The following ITGA9 variants were observed in gnomAD, a reference collection of about 807,000 sequenced individuals.
ITGA9 encodes integrin alpha-9.
Under a neutral mutation model 127.8 loss-of-function variants are expected in ITGA9, and 56 were observed. The ratio of observed to expected loss-of-function variants is 0.44; its 90% CI spans 0.35 to 0.55. The LOEUF is 0.55. ITGA9 is among the 20% of genes least tolerant of loss of function. ITGA9 has a pLI of 0.00. For missense variants in ITGA9, 1,196 were observed against 1,347.1 expected (o/e 0.89, Z 1.76); for synonymous variants, 508 against 514.5 (o/e 0.99, Z 0.17).
At chr3:37,813,240 A>G (rs945588994) in intron 27 of ITGA9, among the ~76,000 whole-genome samples, 2 of 152,220 alleles carry the variant, frequency 1.3e-5, no homozygotes, top group Non-Finnish European at 2.9e-5. Context: ...ATCATATTTT[A>G]AGTCAGAAAT....
chr3:37,640,249 G>T (rs756536207), intron 16 of ITGA9, among the ~76,000 whole-genome samples: 1 of 152,200 alleles, frequency 6.6e-6, no homozygotes, highest in Non-Finnish European at 1.5e-5. Context: ...CTAGTCACAC[G>T]AGCCCTTAAT....
chr3:37,604,216 G>C (rs1273027018), intron 15 of ITGA9, among the ~76,000 whole-genome samples: 5 of 152,222 alleles, frequency 3.3e-5, no homozygotes, highest in Non-Finnish European at 2.9e-5. Flanking sequence ...GCTTTAAATG[G>C]AGAAGGAGTG....
intron 15 of ITGA9, among the ~76,000 whole-genome samples, chr3:37,604,315 C>T (rs1474065393): frequency 6.6e-6 from 1 of 152,222 alleles, no homozygotes; most frequent in Non-Finnish European, 1.5e-5. Flanking sequence ...TAGTCAGACA[C>T]ATTTTTCTAG....
intron 1 of ITGA9, among the ~76,000 whole-genome samples, chr3:37,459,446 A>G (rs1698294247): frequency 6.6e-6 from 1 of 152,216 alleles, no homozygotes; most frequent in South Asian, 2.1e-4. Flanking sequence ...AGTGAAAGGG[A>G]TGAGGGAGCT....
At chr3:37,577,820 A>G (rs1255778950) in intron 15 of ITGA9, among the ~76,000 whole-genome samples, 1 of 152,216 alleles carries the variant, frequency 6.6e-6, no homozygotes, top group Non-Finnish European at 1.5e-5. Flanking sequence ...AAACAGAAAC[A>G]CATTTTTATT....
At chr3:37,679,967 G>A (rs1700719445) in intron 17 of ITGA9, among the ~76,000 whole-genome samples, 1 of 152,090 alleles carries the variant, frequency 6.6e-6, no homozygotes, top group Admixed American at 6.5e-5. Context: ...TGGGGCACAT[G>A]GGGGGTGGGG....
intron 18 of ITGA9, among the ~76,000 whole-genome samples, chr3:37,717,726 A>C (rs1701150046): frequency 6.6e-6 from 1 of 152,202 alleles, no homozygotes; most frequent in South Asian, 2.1e-4. Flanking sequence ...TCAACATGAG[A>C]TTTGGGTAGG....
At chr3:37,738,764 T>G (rs146587831) in intron 20 of ITGA9, among the ~76,000 whole-genome samples, 2 of 152,328 alleles carry the variant, frequency 1.3e-5, no homozygotes, top group African/African-American at 4.8e-5. Flanking sequence ...TGGGAAGGAA[T>G]GTGACATGGA....
chr3:37,609,818 C>T (rs1700000554), intron 15 of ITGA9, among the ~76,000 whole-genome samples: 1 of 152,216 alleles, frequency 6.6e-6, no homozygotes, highest in Non-Finnish European at 1.5e-5. Flanking sequence ...GCAGCATGGC[C>T]TAGAAGCCTG....
At chr3:37,512,103 TCC>T (rs1698925970) in intron 8 of ITGA9, among the ~76,000 whole-genome samples, 1 of 120,978 alleles carries the variant, frequency 8.3e-6, no homozygotes, top group Non-Finnish European at 1.7e-5. Flanking sequence ...CTTCCTTCCT[TCC>T]TTCCTTCCTT....
chr3:37,792,674 T>C (rs1697126158), intron 26 of ITGA9, among the ~76,000 whole-genome samples: 1 of 152,134 alleles, frequency 6.6e-6, no homozygotes, highest in African/African-American at 2.4e-5. Context: ...AAAGCTTCTG[T>C]TTGGAGCAGG....
intron 1 of ITGA9, among the ~76,000 whole-genome samples, chr3:37,454,197 G>A (rs961162796): frequency 1.3e-5 from 2 of 152,230 alleles, no homozygotes; most frequent in African/African-American, 4.8e-5. Context: ...GCTGAGGCTG[G>A]CTCAACTGCC....
intron 25 of ITGA9, among the ~76,000 whole-genome samples, chr3:37,781,658 A>G (rs1407975455): frequency 6.6e-6 from 1 of 152,248 alleles, no homozygotes; most frequent in Non-Finnish European, 1.5e-5. Flanking sequence ...ATTACATGTG[A>G]AGATAAAACT....
chr3:37,637,556 A>G (rs1700292278), intron 16 of ITGA9, among the ~76,000 whole-genome samples: 1 of 152,350 alleles, frequency 6.6e-6, no homozygotes, highest in South Asian at 2.1e-4. Context: ...GGTTTTCTAC[A>G]TATACAATCA....
intron 5 of ITGA9, among the ~76,000 whole-genome samples, chr3:37,499,455 G>A (rs959877544): frequency 6.6e-6 from 1 of 152,224 alleles, no homozygotes; most frequent in African/African-American, 2.4e-5. Context: ...GCTTATTGAT[G>A]GGATTCCACA....
At chr3:37,571,775 C>T (rs574157184) in intron 15 of ITGA9, among the ~76,000 whole-genome samples, 1 of 152,068 alleles carries the variant, frequency 6.6e-6, no homozygotes, top group South Asian at 2.1e-4. Flanking sequence ...ACTAGGAAGG[C>T]AAGGAGATAC....
Position 37,818,983 on chromosome 3 carries a change from C to A in ITGA9, c.3102C>A (p.Asn1034Lys), listed in dbSNP as rs751531491. ...NEDSWDWVQK[N>K]Q ...ACAGTTGGGACTGGGTCCAGAAAAA[C>A]CAGTGAGCTGCCACACCAGTCACAT... Residue 1034 changes from asparagine to lysine, a missense_variant, in exon 28 of 28, where the codon AAC becomes AAA. Coordinates refer to ENST00000264741, the MANE Select transcript of ITGA9 (RefSeq NM_002207.3). 7 of 1,607,672 alleles carry A rather than the reference C, an allele frequency of 4.4e-6. No homozygotes were observed. In the Admixed American group the frequency reaches 8.3e-5, roughly 19 times the overall value.
At chr3:37,565,970 A>G (rs1288265010) in intron 15 of ITGA9, among the ~76,000 whole-genome samples, 1 of 152,120 alleles carries the variant, frequency 6.6e-6, no homozygotes, top group African/African-American at 2.4e-5. Context: ...ACCTCAGAAA[A>G]ATCTCACTAT....
chr3:37,494,791 G>A (rs1056226457), intron 5 of ITGA9, among the ~76,000 whole-genome samples: 1 of 152,088 alleles, frequency 6.6e-6, no homozygotes, highest in African/African-American at 2.4e-5. Flanking sequence ...GGCTCATCTC[G>A]AGGCTACCCC....
Sources: allele counts gnomAD v4.1 joint callset (sites outside exome capture counted in the v4.1 genomes callset), GRCh38; gene constraint gnomAD v4.1.1; transcripts MANE v1.5; gene names NCBI Gene and HGNC (gene_info 2026-07-23, HGNC 2026-07-21).